MYO1F: variants seen among roughly 807,000 people sequenced by gnomAD.
MYO1F encodes the protein myosin IF, also known as unconventional myosin-If.
A neutral mutation model predicts 146.6 loss-of-function variants in MYO1F; 60 were observed. The ratio of observed to expected loss-of-function variants is 0.41; its 90% CI spans 0.33 to 0.51. The LOEUF (loss-of-function observed/expected upper bound fraction) is 0.51, where lower values mean the gene tolerates loss of function less well. MYO1F is among the 20% of genes least tolerant of loss of function. The pLI, the probability that MYO1F is intolerant of heterozygous loss-of-function variation, is 0.25. For synonymous variants in MYO1F, 602 were observed against 602.1 expected (o/e 1.00, Z 0.00); for missense variants, 1,274 against 1,534.3 (o/e 0.83, Z 2.83).
chr19:8,552,878 A>G (rs1040241468), intron 6 of MYO1F, among the ~76,000 whole-genome samples: 6 of 152,182 alleles, frequency 3.9e-5, no homozygotes, highest in Middle Eastern at 3.2e-3. Flanking sequence ...AATGGGAACA[A>G]TGTAGCATGG....
chr19:8,550,791 T>C, intron 8 of MYO1F, 97 bp from the exon 9 acceptor site: 1 of 1,547,102 alleles, frequency 6.5e-7, no homozygotes, highest in Non-Finnish European at 8.9e-7. Flanking sequence ...ACTCAGGGAG[T>C]GAGCACCCTT....
At chr19:8,555,842 CG>C (rs1568363750) in intron 1 of MYO1F, 46 bp from the exon 2 acceptor site, 2 of 1,571,826 alleles carry the variant, frequency 1.3e-6, no homozygotes, top group Non-Finnish European at 1.7e-6. Flanking sequence ...CACGGGGATG[CG>C]GCACCTGGCT....
chr19:8,574,718 T>C (rs1399339804), intron 1 of MYO1F, among the ~76,000 whole-genome samples: 66 of 149,396 alleles, frequency 4.4e-4, no homozygotes, highest in African/African-American at 1.6e-3. Context: ...TCTTTTTCTT[T>C]CTCTTTCTTT....
In MYO1F at chr19:8,522,387, G is replaced by A. The variant is rs1325917773; in HGVS notation, c.3210C>T (p.Ile1070=). The change falls in exon 27 of 28, where the codon ATC becomes ATT. Residue 1070 remains isoleucine, a synonymous_variant. Transcript: ENST00000644032. ...CCCTGGTACACACACCTTCCATGAG[G>A]ATCTCAATGACCTCGTTCACGTTGA... ...LSFNVNEVIE[I]LMEDPSGWWK... 2 of 1,613,934 alleles carry A rather than the reference G, an allele frequency of 1.2e-6. No individual in the cohort carries two copies. The highest frequency in any genetic ancestry group is 1.3e-5 in the African/African-American group (1 of 74,906).
In MYO1F at chr19:8,541,966, C is replaced by T; in HGVS notation, c.1550G>A (p.Cys517Tyr). 1 of 1,613,416 alleles carries T rather than the reference C, an allele frequency of 6.2e-7. No homozygotes were observed. The highest frequency in any genetic ancestry group is 8.5e-7 in the Non-Finnish European group (1 of 1,179,974). ...GAAGAGAACGTCTCGGTTCCTCTCG[C>T]AGAAGCCGCTGACGTCGTAGGAGAC... ...GKVSYDVSGF[C>Y]ERNRDVLFSD... The change falls in exon 15 of 28, where the codon TGC becomes TAC. Residue 517 changes from cysteine (C) to tyrosine (Y), a missense_variant. Physicochemically the swap from Cys to Tyr is radical, Grantham distance 194 (BLOSUM62 -2). Around this residue, in one of 2 missense-constraint regions of MYO1F, gnomAD observed 900 missense variants for 1,155.1 expected, o/e 0.78. Coordinates refer to ENST00000644032, the MANE Select transcript of MYO1F (RefSeq NM_012335.4).
At chr19:8,569,987 C>T (rs1343903564) in intron 1 of MYO1F, among the ~76,000 whole-genome samples, 1 of 152,078 alleles carries the variant, frequency 6.6e-6, no homozygotes, top group Non-Finnish European at 1.5e-5. Flanking sequence ...ATCACTGCAG[C>T]CTTGACCTCC....
intron 12 of MYO1F, among the ~76,000 whole-genome samples, chr19:8,547,226 AGGAG>A (rs1333602451): frequency 6.9e-6 from 1 of 144,668 alleles, no homozygotes; most frequent in African/African-American, 2.5e-5. Context: ...GCTTGAGCCC[AGGAG>A]GTGTAGACTG....
At chr19:8,548,959 AT>A (rs200628309) in intron 10 of MYO1F, among the ~76,000 whole-genome samples, 1 of 141,086 alleles carries the variant, frequency 7.1e-6, no homozygotes, top group South Asian at 2.3e-4. Flanking sequence ...TTTCTTTTCT[AT>A]TTTTTTTGAG....
Position 8,521,494 on chromosome 19 carries a change from G to A in MYO1F, c.*34C>T, listed in dbSNP as rs190908621. 2,819 of 1,600,130 alleles carry A rather than the reference G, an allele frequency of 1.8e-3. 11 individuals are homozygous for A. Among genetic ancestry groups the A allele is most frequent in the African/African-American group, 0.012 (883 of 74,774 alleles). The stretch of plus-strand genomic sequence containing the variant: ...CCACCAGGCCGGCAGGCAGATAGGC[G>A]GGCGAAAGAGAAGGCAGTATCCCAG... On this transcript the variant is annotated 3_prime_UTR_variant, in exon 28 of 28. Coordinates refer to ENST00000644032, the MANE Select transcript of MYO1F (RefSeq NM_012335.4).
rs368793623 is a variant in MYO1F, at chr19:8,527,374, T to C, written c.2438A>G (p.Lys813Arg). 6.2e-7 allele frequency: 1 copy of C among 1,613,992 alleles called. No homozygotes were observed. The highest frequency in any genetic ancestry group is 8.5e-7 in the Non-Finnish European group (1 of 1,180,014). ...TCCCCGCAGAGCCTGGATGTCCACT[T>C]TCTTCTTCAAGACTTCACACACCTG... The part of the protein sequence containing the change: ...KGQVCEVLKK[K>R]VDIQALRGVS... Residue 813 changes from lysine to arginine, a missense_variant, in exon 22 of 28, where the codon AAA becomes AGA. Physicochemically the swap from Lys to Arg is conservative, Grantham distance 26. Coordinates refer to ENST00000644032, the MANE Select transcript of MYO1F (RefSeq NM_012335.4).
chr19:8,536,382 G>A lies in MYO1F; in HGVS notation c.1913C>T (p.Thr638Ile), dbSNP rs1568340790. The change falls in exon 19 of 28, where the codon ACC becomes ATC. Residue 638 changes from threonine to isoleucine, a missense_variant. Transcript: ENST00000644032. Reference sequence around the variant, plus strand: ...ACGCCACCGCGGCCACGTCTCGGGGGTCAGAATGGCATACCTGAGGGCGGA... The same window carrying A: ...ACGCCACCGCGGCCACGTCTCGGGGATCAGAATGGCATACCTGAGGGCGGA... ...AKFLQRYAIL[T>I]PETWPRWRGD... The A allele has an allele frequency of 6.2e-7, 1 of 1,606,274 alleles. No homozygotes were observed. The highest frequency in any genetic ancestry group is 2.2e-5 in the East Asian group (1 of 44,822).
chr19:8,530,546 G>A lies in MYO1F; in HGVS notation c.2071C>T (p.Arg691Ter). ...GTTCGGGCAAAGCCATCGAACTTTC[G>A]CTCTCGCACCTCCTCCAGGAGGAAA... ...SLFLLEEVRE[R>*]KFDGFARTIQ... Residue 691 changes from arginine (R) to a stop codon, truncating the protein, a stop_gained, in exon 20 of 28, where the codon CGA becomes TGA. Transcript: ENST00000644032. LOFTEE classifies it high-confidence loss of function. The surrounding 1 kb of genome is among the most constrained non-coding windows in gnomAD (Gnocchi z 5.8). 6.2e-7 allele frequency: 1 copy of A among 1,612,784 alleles called. No homozygotes were observed. Among genetic ancestry groups the A allele is most frequent in the Non-Finnish European group, 8.5e-7 (1 of 1,180,016 alleles).
Position 8,541,173 on chromosome 19 carries a change from G to T in MYO1F, c.1610+733C>A, listed in dbSNP as rs145063430. Among the ~76,000 whole-genome samples, 219 of 151,954 alleles carry T rather than the reference G, an allele frequency of 1.4e-3. 1 individual carries two copies. The highest frequency in any genetic ancestry group is 5.2e-3 in the African/African-American group (214 of 41,456). On this transcript the variant is annotated intron_variant, in intron 15 of 27. Coordinates refer to ENST00000644032, the MANE Select transcript of MYO1F (RefSeq NM_012335.4). ...TAATTAATTAATTATTATTATTTTT[G>T]CTGGCAGAGTAGACAAGCATTTAAA...
intron 1 of MYO1F, among the ~76,000 whole-genome samples, chr19:8,566,733 C>T (rs960597656): frequency 4.0e-5 from 6 of 150,846 alleles, no homozygotes; most frequent in African/African-American, 1.2e-4. Context: ...AAGCTGGTTT[C>T]GAACTCCTGA....
Position 8,520,810 on chromosome 19 carries a change from A to ATTTTTTTTTT in MYO1F, c.*717_*718insAAAAAAAAAA. 6.7e-6 allele frequency: 1 copy of ATTTTTTTTTT among 149,660 alleles called. No individual in the cohort carries two copies. Among genetic ancestry groups the ATTTTTTTTTT allele is most frequent in the Non-Finnish European group, 1.5e-5 (1 of 67,734 alleles). 9.3% of individuals were successfully genotyped at this position (149,660 alleles called of 1,614,324 possible). A position where few individuals can be genotyped will look rare whatever the true frequency, so the allele number is the denominator to read the frequency against. ...TTTTTCTTTTTTAAATTTTTAGTAG[A>ATTTTTTTTTT]AACAGGGTTTTGCTGTGTTATCCAG... On this transcript the variant is annotated 3_prime_UTR_variant, in exon 28 of 28. Transcript: ENST00000644032.
intron 2 of MYO1F, 199 bp downstream of exon 2, chr19:8,555,460 C>A: frequency 1.8e-6 from 1 of 554,544 alleles, no homozygotes; most frequent in Non-Finnish European, 3.2e-6. Context: ...TGGGGCTGAG[C>A]TTCCCCAGGA....
intron 13 of MYO1F, 29 bp downstream of exon 13, chr19:8,545,621 G>GC: frequency 6.3e-7 from 1 of 1,584,530 alleles, no homozygotes; most frequent in Non-Finnish European, 8.7e-7. Flanking sequence ...CCAGTGAGAC[G>GC]CCCCCGCCAA....
chr19:8,549,138 A>G (rs1173098476), intron 10 of MYO1F, among the ~76,000 whole-genome samples: 4 of 150,046 alleles, frequency 2.7e-5, no homozygotes, highest in African/African-American at 9.9e-5. Flanking sequence ...TTTAGTAGAG[A>G]CGGGGTTTTG....
At chr19:8,536,133 CTA>C in intron 19 of MYO1F, 117 bp downstream of exon 19, 3 of 1,276,358 alleles carry the variant, frequency 2.4e-6, no homozygotes, top group Non-Finnish European at 1.1e-6. Flanking sequence ...ATTTCTCAAT[CTA>C]TCAGTCTTTC....
Sources: allele counts gnomAD v4.1 joint callset (sites outside exome capture counted in the v4.1 genomes callset), GRCh38; gene constraint gnomAD v4.1.1; regional missense constraint gnomAD v4.1.1; non-coding constraint Gnocchi (gnomAD v3.1); transcripts MANE v1.5; gene names NCBI Gene and HGNC (gene_info 2026-07-23, HGNC 2026-07-21).